The following AGBL1 variants were observed in gnomAD, a reference collection of about 807,000 sequenced individuals.
AGBL1 encodes the protein AGBL carboxypeptidase 1, also known as cytosolic carboxypeptidase 4.
Under a neutral mutation model 118.9 loss-of-function variants are expected in AGBL1, and 130 were observed. That is an observed-to-expected ratio of 1.09 (90% CI 0.95 to 1.26). AGBL1 has a LOEUF of 1.26. AGBL1 is among the 50% of genes most tolerant of loss of function. AGBL1 has a pLI of 0.00. For synonymous variants in AGBL1, 555 were observed against 478.9 expected, an observed-to-expected ratio of 1.16 and a Z score of -2.08; for missense variants, 1,584 against 1,298.1, an observed-to-expected ratio of 1.22 and a Z score of -3.38.
At position 86,672,014 on chromosome 15, in the gene AGBL1, G is replaced by A. The variant is rs370257918; in HGVS notation, c.2995-2259G>A. Among the ~76,000 whole-genome samples the A allele has an allele frequency of 2.4e-4, 36 of 152,332 alleles. No individual in the cohort carries two copies. In the South Asian group the frequency reaches 7.0e-3, roughly 30 times the overall value. ...TTTAGCCCAGGAGTTCAAGGCTGCAGTGGGCTGTGATAGCGCCACTGTACT... is the reference window on the plus strand; with the variant it reads ...TTTAGCCCAGGAGTTCAAGGCTGCAATGGGCTGTGATAGCGCCACTGTACT... On this transcript the variant is annotated intron_variant, in intron 21 of 22. Transcript: ENST00000614907.
chr15:86,523,574 AATC>A (rs1486344897), intron 19 of AGBL1, among the ~76,000 whole-genome samples: 1 of 152,156 alleles, frequency 6.6e-6, no homozygotes, highest in Non-Finnish European at 1.5e-5. Flanking sequence ...CTGGGCAAAA[AATC>A]ATATTTCATT....
intron 17 of AGBL1, among the ~76,000 whole-genome samples, chr15:86,375,643 C>CA (rs970701432): frequency 1.3e-5 from 2 of 152,064 alleles, no homozygotes; most frequent in Admixed American, 6.5e-5. Context: ...GTACCTGATG[C>CA]AAAAAAGGTA....
At chr15:86,861,718 CAT>C (rs1325012015) in intron 22 of AGBL1, among the ~76,000 whole-genome samples, 2 of 152,148 alleles carry the variant, frequency 1.3e-5, no homozygotes, top group African/African-American at 4.8e-5. Flanking sequence ...TTTTTTAAAA[CAT>C]TGCCTCATCA....
At chr15:86,705,267 A>T (rs1038334050) in intron 22 of AGBL1, among the ~76,000 whole-genome samples, 1 of 152,172 alleles carries the variant, frequency 6.6e-6, no homozygotes, top group Non-Finnish European at 1.5e-5. Context: ...ACAAACATGC[A>T]TGTTCTGCTC....
At chr15:86,897,764 CTTTTTTTTTTT>C (rs71460231) in intron 22 of AGBL1, among the ~76,000 whole-genome samples, 1 of 80,622 alleles carries the variant, frequency 1.2e-5, no homozygotes, top group Non-Finnish European at 2.2e-5. Context: ...CATCTTTTAT[CTTTTTTTTTTT>C]TTTTTTTTTT....
At chr15:86,220,222 G>A (rs1250093727) in intron 5 of AGBL1, among the ~76,000 whole-genome samples, 7 of 152,144 alleles carry the variant, frequency 4.6e-5, no homozygotes, top group Non-Finnish European at 1.5e-5. Flanking sequence ...AAAGTGCTGG[G>A]ATTACAGGCA....
chr15:86,235,409 A>C (rs1276076426), intron 6 of AGBL1, among the ~76,000 whole-genome samples: 8 of 152,372 alleles, frequency 5.3e-5, no homozygotes, highest in Admixed American at 3.3e-4. Flanking sequence ...AAAGGTTAAT[A>C]TCCAAGGTTG....
At chr15:86,861,745 C>A (rs1288223534) in intron 22 of AGBL1, among the ~76,000 whole-genome samples, 1 of 152,142 alleles carries the variant, frequency 6.6e-6, no homozygotes, top group East Asian at 1.9e-4. Flanking sequence ...CCTCAGTATG[C>A]CACCCATACT....
At chr15:86,334,739 T>A (rs1041560680) in intron 17 of AGBL1, among the ~76,000 whole-genome samples, 1 of 152,098 alleles carries the variant, frequency 6.6e-6, no homozygotes, top group African/African-American at 2.4e-5. Context: ...CCTGGAGGTA[T>A]CACATTACCC....
At chr15:86,601,887 T>C (rs2084500484) in intron 21 of AGBL1, among the ~76,000 whole-genome samples, 1 of 152,182 alleles carries the variant, frequency 6.6e-6, no homozygotes, top group Non-Finnish European at 1.5e-5. Context: ...GTCACATAGC[T>C]GCTTAATAAA....
intron 24 of AGBL1, among the ~76,000 whole-genome samples, chr15:87,003,326 G>C (rs935277251): frequency 2.6e-5 from 4 of 151,620 alleles, no homozygotes; most frequent in Non-Finnish European, 5.9e-5. Flanking sequence ...CAGGGATGAA[G>C]CCCACTTGAT....
At chr15:86,744,031 A>T (rs1427145087) in intron 22 of AGBL1, among the ~76,000 whole-genome samples, 1 of 152,100 alleles carries the variant, frequency 6.6e-6, no homozygotes. Context: ...AAATATATAT[A>T]TTTACTTTCA....
chr15:86,239,461 C>T (rs79588919), intron 6 of AGBL1, among the ~76,000 whole-genome samples: 3 of 152,152 alleles, frequency 2.0e-5, no homozygotes, highest in African/African-American at 7.2e-5. Context: ...CTCCTTTGCA[C>T]CAGCCACTCC....
chr15:87,024,275 A>G (rs1248020987), intron 24 of AGBL1, among the ~76,000 whole-genome samples: 1 of 152,080 alleles, frequency 6.6e-6, no homozygotes, highest in African/African-American at 2.4e-5. Flanking sequence ...AAATAAGTTC[A>G]ATAAGAAATA....
chr15:86,953,026 G>A (rs1056745061), intron 23 of AGBL1, among the ~76,000 whole-genome samples: 3 of 152,004 alleles, frequency 2.0e-5, no homozygotes, highest in Admixed American at 6.6e-5. Context: ...TGTTCCATTG[G>A]TCTATGTGCC....
intron 8 of AGBL1, 125 bp from the exon 9 acceptor site, chr15:86,257,839 C>A: frequency 1.2e-6 from 1 of 833,288 alleles, no homozygotes; most frequent in Non-Finnish European, 1.9e-6. Context: ...GGATATTGTG[C>A]AATTAATATT....
chr15:86,327,134 A>T (rs1170187280), intron 17 of AGBL1, among the ~76,000 whole-genome samples: 2 of 152,140 alleles, frequency 1.3e-5, no homozygotes, highest in Non-Finnish European at 2.9e-5. Context: ...GCTTCAACCT[A>T]TGTGGATGGG....
At chr15:86,140,079 C>T (rs999800344) in intron 1 of AGBL1, 8 of 189,510 alleles carry the variant, frequency 4.2e-5, no homozygotes, top group South Asian at 3.5e-4. Context: ...TCTTGGTATT[C>T]CCCGTGCATG....
chr15:86,319,785 G>T (rs2080077038), intron 17 of AGBL1, among the ~76,000 whole-genome samples: 6 of 54,612 alleles, frequency 1.1e-4, no homozygotes, highest in South Asian at 1.3e-3. Flanking sequence ...TTTTTGAGAT[G>T]GACTCTTTGT....
Sources: allele counts gnomAD v4.1 joint callset (sites outside exome capture counted in the v4.1 genomes callset), GRCh38; gene constraint gnomAD v4.1.1; transcripts MANE v1.5; gene names NCBI Gene and HGNC (gene_info 2026-07-23, HGNC 2026-07-21).